UBE2E1: variants seen among roughly 807,000 people sequenced by gnomAD.
UBE2E1 encodes the protein ubiquitin-conjugating enzyme E2 E1.
In UBE2E1, 6 loss-of-function variants were observed where a neutral mutation model predicts 21.4. The ratio of observed to expected loss-of-function variants is 0.28; its 90% CI spans 0.15 to 0.55. The LOEUF (loss-of-function observed/expected upper bound fraction) is 0.55. Ranked by LOEUF, UBE2E1 falls within the 20% of genes least tolerant of loss-of-function variation. The probability of loss-of-function intolerance (pLI) is 0.93; values close to 1 mark genes in which losing one functional copy is unlikely to be tolerated. For missense variants in UBE2E1, 142 were observed against 236.5 expected (o/e 0.60, Z 2.62); for synonymous variants, 87 against 82.7 (o/e 1.05, Z -0.28).
intron 3 of UBE2E1, among the ~76,000 whole-genome samples, chr3:23,825,851 G>T (rs891856212): frequency 4.6e-5 from 7 of 152,226 alleles, no homozygotes; most frequent in Admixed American, 3.9e-4. Flanking sequence ...CGAGGTATTT[G>T]GAGAATACCT....
At chr3:23,884,125 C>A (rs981870296) in intron 3 of UBE2E1, among the ~76,000 whole-genome samples, 1 of 151,818 alleles carries the variant, frequency 6.6e-6, no homozygotes, top group African/African-American at 2.4e-5. Flanking sequence ...AAGTTTAATA[C>A]AAGTGTAATA....
intron 4 of UBE2E1, 122 bp from the exon 5 acceptor site, chr3:23,888,990 C>CT: frequency 1.0e-6 from 1 of 971,974 alleles, no homozygotes; most frequent in Non-Finnish European, 1.5e-6. Flanking sequence ...AATTTATTGT[C>CT]TATCTTCTTG....
intron 3 of UBE2E1, among the ~76,000 whole-genome samples, chr3:23,885,124 C>G (rs546741990): frequency 6.6e-6 from 1 of 152,130 alleles, no homozygotes; most frequent in Non-Finnish European, 1.5e-5. Context: ...GGTGAGGATG[C>G]GTTTCTTGGT....
intron 3 of UBE2E1, among the ~76,000 whole-genome samples, chr3:23,852,411 T>C (rs1700345867): frequency 6.6e-6 from 1 of 152,242 alleles, no homozygotes; most frequent in Admixed American, 6.5e-5. Flanking sequence ...CATTTTCTGA[T>C]TACTCACGGG....
intron 3 of UBE2E1, among the ~76,000 whole-genome samples, chr3:23,886,929 TATG>T (rs1450075993): frequency 6.6e-6 from 1 of 152,248 alleles, no homozygotes; most frequent in Non-Finnish European, 1.5e-5. Flanking sequence ...AACAGTGATT[TATG>T]ATAACAGCTA....
chr3:23,866,590 A>T (rs913164889), intron 3 of UBE2E1: 1 of 152,156 alleles, frequency 6.6e-6, no homozygotes, highest in Admixed American at 6.5e-5. Flanking sequence ...TTGGACTGTA[A>T]TTGAACTGAT....
At chr3:23,838,787 A>G (rs1700023421) in intron 3 of UBE2E1, among the ~76,000 whole-genome samples, 2 of 151,862 alleles carry the variant, frequency 1.3e-5, no homozygotes, top group South Asian at 2.1e-4. Context: ...GTGAGCCACT[A>G]CCGTGCCAGG....
chr3:23,808,102 A>G lies in UBE2E1; in HGVS notation c.152+681A>G, dbSNP rs570211907. On this transcript the variant is annotated intron_variant, in intron 2 of 5. Coordinates refer to ENST00000306627, the MANE Select transcript of UBE2E1 (RefSeq NM_003341.5). This position sits in a 1 kb window ranked among gnomAD's most constrained non-coding sequence, Gnocchi z 4.9. ...TTTTTTCATGCTATTTGCTGTCCTC[A>G]TGCTGTGAAAATGTTACTTTGCCTT... Among the ~76,000 whole-genome samples, 24 of 152,260 alleles carry G rather than the reference A, an allele frequency of 1.6e-4. No homozygotes were observed. In the East Asian group the frequency reaches 4.6e-3, roughly 29 times the overall value.
chr3:23,810,367 C>G lies in UBE2E1; in HGVS notation c.153-1093C>G. The G allele has an allele frequency of 1.2e-5, 18 of 1,469,488 alleles. No individual in the cohort carries two copies. The highest frequency in any genetic ancestry group is 1.7e-5 in the Non-Finnish European group (18 of 1,088,268). The allele number at this position is 1,469,488 out of a possible 1,614,324, so 91.0% of individuals were successfully genotyped here. On this transcript the variant is annotated intron_variant, in intron 2 of 5. Coordinates refer to ENST00000306627, the MANE Select transcript of UBE2E1 (RefSeq NM_003341.5). The surrounding 1 kb of genome is among the most constrained non-coding windows in gnomAD (Gnocchi z 5.8). ...GGGCTTGGTGTGAACTGCCTGGTGG[C>G]TTCGGCCTATGAGTGGGGGATGGGG... is the stretch of plus-strand genomic sequence containing the variant.
chr3:23,871,076 T>A (rs1700773989), intron 3 of UBE2E1, among the ~76,000 whole-genome samples: 1 of 151,878 alleles, frequency 6.6e-6, no homozygotes, highest in Admixed American at 6.5e-5. Flanking sequence ...CATGTCTACC[T>A]CTTTCTACAC....
chr3:23,888,169 A>C (rs1701235236), intron 4 of UBE2E1: 2 of 455,458 alleles, frequency 4.4e-6, no homozygotes, highest in African/African-American at 2.0e-5. Context: ...GAGAATCAGA[A>C]TCTCTTCCCA....
At position 23,823,710 on chromosome 3, in the gene UBE2E1, T is replaced by C. The variant is rs143334718; in HGVS notation, c.203+12200T>C. 2.8e-3 allele frequency among the ~76,000 whole-genome samples: 428 copies of C among 152,352 alleles called. 2 individuals carry two copies. Among genetic ancestry groups the C allele is most frequent in the African/African-American group, 1.0e-2 (415 of 41,582 alleles). On this transcript the variant is annotated intron_variant, in intron 3 of 5. Transcript: ENST00000306627. The surrounding 1 kb of genome is among the most constrained non-coding windows in gnomAD (Gnocchi z 4.2). ...CACCCAGGAGGATTTTTTATAAACA[T>C]GAAAGATAACTTTCCTCTAACCTAA...
intron 3 of UBE2E1, among the ~76,000 whole-genome samples, chr3:23,818,644 C>T (rs1447620611): frequency 1.3e-5 from 2 of 152,156 alleles, no homozygotes; most frequent in African/African-American, 2.4e-5. Flanking sequence ...TTGATGCTTC[C>T]GTGTGTTTAG....
chr3:23,880,622 T>C (rs1472143639), intron 3 of UBE2E1, among the ~76,000 whole-genome samples: 1 of 152,196 alleles, frequency 6.6e-6, no homozygotes, highest in Non-Finnish European at 1.5e-5. Flanking sequence ...ATCAATAATG[T>C]CATTTGAAAA....
intron 3 of UBE2E1, among the ~76,000 whole-genome samples, chr3:23,873,466 G>T (rs957286812): frequency 6.6e-6 from 1 of 152,146 alleles, no homozygotes; most frequent in Admixed American, 6.5e-5. Context: ...GAATTAGGCA[G>T]TCGGGCGCGG....
chr3:23,843,615 A>G (rs1025374569), intron 3 of UBE2E1, among the ~76,000 whole-genome samples: 1 of 152,026 alleles, frequency 6.6e-6, no homozygotes. Context: ...CCTGCTTCCT[A>G]TTGGTTGTTT....
At chr3:23,819,400 A>G (rs1417550547) in intron 3 of UBE2E1, among the ~76,000 whole-genome samples, 4 of 152,314 alleles carry the variant, frequency 2.6e-5, no homozygotes, top group Admixed American at 1.3e-4. Context: ...GGGAGAATGT[A>G]TGTTTAGAAA....
intron 3 of UBE2E1, among the ~76,000 whole-genome samples, chr3:23,833,371 G>A (rs1214960053): frequency 1.3e-5 from 2 of 152,166 alleles, no homozygotes; most frequent in African/African-American, 2.4e-5. Context: ...CACTAGGGAA[G>A]CATTTGTTTC....
chr3:23,811,535 C>A, intron 3 of UBE2E1, 25 bp downstream of exon 3: 4 of 1,611,112 alleles, frequency 2.5e-6, no homozygotes, highest in Non-Finnish European at 3.4e-6. Flanking sequence ...GGATTTTTTC[C>A]ATTTTTAAAA....
Sources: allele counts gnomAD v4.1 joint callset (sites outside exome capture counted in the v4.1 genomes callset), GRCh38; gene constraint gnomAD v4.1.1; non-coding constraint Gnocchi (gnomAD v3.1); transcripts MANE v1.5; gene names NCBI Gene and HGNC (gene_info 2026-07-23, HGNC 2026-07-21).